Variants in LCA5L observed in about 807,000 individuals in gnomAD.
LCA5L encodes the protein lebercilin LCA5 like, also known as lebercilin-like protein.
A neutral mutation model predicts 45.4 loss-of-function variants in LCA5L; 35 were observed. The observed-to-expected ratio is 0.77, with a 90% CI of 0.59 to 1.02. The LOEUF (loss-of-function observed/expected upper bound fraction) is 1.02. Ranked by LOEUF, LCA5L falls within the 50% of genes least tolerant of loss-of-function variation. LCA5L has a pLI of 0.00. For missense variants in LCA5L, 668 were observed against 761.6 expected (o/e 0.88, Z 1.45); for synonymous variants, 233 against 264.7 (o/e 0.88, Z 1.16).
At chr21:39,435,168 GA>G (rs2076173312) in intron 3 of LCA5L, among the ~76,000 whole-genome samples, 1 of 152,144 alleles carries the variant, frequency 6.6e-6, no homozygotes, top group African/African-American at 2.4e-5. Context: ...TATTCTAATG[GA>G]AAAAATCTGA....
chr21:39,428,691 C>T (rs2075298731), intron 4 of LCA5L, among the ~76,000 whole-genome samples, 188 bp from the exon 5 acceptor site: 1 of 140,864 alleles, frequency 7.1e-6, no homozygotes, highest in South Asian at 2.3e-4. Context: ...TGGCTTTCTG[C>T]AGCCTTGACC....
At chr21:39,407,229 C>T (rs555044949) in intron 10 of LCA5L, among the ~76,000 whole-genome samples, 253 of 152,068 alleles carry the variant, frequency 1.7e-3, no homozygotes, top group African/African-American at 5.9e-3. Context: ...TGTTTCAAAA[C>T]AAAACAAAAC....
Position 39,423,394 on chromosome 21 carries a change from G to A in LCA5L, c.419C>T (p.Ala140Val), listed in dbSNP as rs150338806. The A allele has an allele frequency of 8.6e-5, 139 of 1,610,074 alleles. No homozygotes were observed. The African/African-American group carries it at 1.7e-3, about 20-fold the overall frequency. Residue 140 changes from alanine (A) to valine (V), a missense_variant, in exon 6 of 11, where the codon GCT becomes GTT. Physicochemically the swap from Ala to Val is moderately conservative, Grantham distance 64 (BLOSUM62 0). Transcript: ENST00000288350. Reference protein sequence around the residue: ...HMIAQRRDAMAHRILSARLHK... With the variant: ...HMIAQRRDAMVHRILSARLHK... ...AAGCCTTGCTGAGAGTATTCGATGA[G>A]CCATAGCATCTCTTCTTTGGGCAAT...
At chr21:39,431,225 T>C (rs1008496190) in intron 3 of LCA5L, among the ~76,000 whole-genome samples, 18 of 152,206 alleles carry the variant, frequency 1.2e-4, no homozygotes, top group Admixed American at 3.3e-4. Flanking sequence ...CCTCTGTGGA[T>C]GCTGAGTTGT....
intron 2 of LCA5L, among the ~76,000 whole-genome samples, chr21:39,438,526 T>A (rs1282043467): frequency 1.3e-5 from 2 of 152,168 alleles, no homozygotes; most frequent in Non-Finnish European, 2.9e-5. Context: ...AAAAAAGATT[T>A]TCAATACATA....
intron 7 of LCA5L, among the ~76,000 whole-genome samples, chr21:39,414,736 C>CTGTGTGTG (rs1445537335): frequency 6.8e-4 from 63 of 92,264 alleles, no homozygotes; most frequent in Non-Finnish European, 8.4e-4. Flanking sequence ...CTCTCTCTCT[C>CTGTGTGTG]TCTCTCTGTG....
At chr21:39,436,351 A>G (rs577535730) in intron 2 of LCA5L, among the ~76,000 whole-genome samples, 43 of 152,336 alleles carry the variant, frequency 2.8e-4, no homozygotes, top group African/African-American at 1.0e-3. Flanking sequence ...CCTAATTCTT[A>G]AAAGTAAATA....
At position 39,409,251 on chromosome 21, in the gene LCA5L, C is replaced by G. The variant is rs1165427776; in HGVS notation, c.1282+728G>C. On this transcript the variant is annotated intron_variant, in intron 10 of 10. Transcript: ENST00000288350. The surrounding 1 kb of genome is among the most constrained non-coding windows in gnomAD (Gnocchi z 4.2). The stretch of plus-strand genomic sequence containing the variant: ...GGACATCTAAAGCCAGGAAGAGGGC[C>G]TTAACTGAAGCCAAATGCCTAGAAC... 6.6e-6 allele frequency among the ~76,000 whole-genome samples: 1 copy of G among 152,154 alleles called. No individual in the cohort carries two copies. Among genetic ancestry groups the G allele is most frequent in the Admixed American group, 6.5e-5 (1 of 15,272 alleles).
At chr21:39,441,312 A>C (rs956978855) in intron 2 of LCA5L, among the ~76,000 whole-genome samples, 2 of 143,666 alleles carry the variant, frequency 1.4e-5, no homozygotes, top group East Asian at 3.9e-4. Context: ...TTTCAAAACC[A>C]AAAAAAACCA....
At chr21:39,415,801 TG>T in intron 7 of LCA5L, among the ~76,000 whole-genome samples, 1 of 152,352 alleles carries the variant, frequency 6.6e-6, no homozygotes, top group Middle Eastern at 3.4e-3. Context: ...ATCGTAGAAA[TG>T]GGGGTATCTG....
At chr21:39,438,037 A>T (rs956845364) in intron 2 of LCA5L, among the ~76,000 whole-genome samples, 4 of 152,222 alleles carry the variant, frequency 2.6e-5, no homozygotes, top group African/African-American at 9.6e-5. Flanking sequence ...AAATTCACAT[A>T]GAGAAATAAA....
chr21:39,417,871 T>C (rs910322585), intron 7 of LCA5L, among the ~76,000 whole-genome samples: 7 of 152,214 alleles, frequency 4.6e-5, no homozygotes, highest in Non-Finnish European at 7.3e-5. Context: ...GTTCACACCA[T>C]TCTCCTGCCT....
intron 2 of LCA5L, among the ~76,000 whole-genome samples, chr21:39,440,477 A>T (rs908059372): frequency 2.0e-5 from 3 of 152,126 alleles, no homozygotes; most frequent in African/African-American, 7.2e-5. Flanking sequence ...CTGAGGCTGC[A>T]GTGAATTTGA....
chr21:39,416,408 C>T (rs1188433404), intron 7 of LCA5L, among the ~76,000 whole-genome samples: 2 of 152,156 alleles, frequency 1.3e-5, no homozygotes, highest in Non-Finnish European at 2.9e-5. Context: ...TTGATACTAC[C>T]CTAATGGTCC....
At chr21:39,430,474 A>G (rs1177145818) in intron 3 of LCA5L, among the ~76,000 whole-genome samples, 2 of 152,196 alleles carry the variant, frequency 1.3e-5, no homozygotes, top group African/African-American at 4.8e-5. Flanking sequence ...GTGATGGACA[A>G]TTTGAAGGCA....
At chr21:39,418,046 G>A (rs942564969) in intron 7 of LCA5L, among the ~76,000 whole-genome samples, 7 of 152,316 alleles carry the variant, frequency 4.6e-5, no homozygotes, top group African/African-American at 7.2e-5. Flanking sequence ...GATTACAGGC[G>A]TGAGCCACCG....
chr21:39,436,788 TA>T, intron 2 of LCA5L, among the ~76,000 whole-genome samples: 1 of 152,302 alleles, frequency 6.6e-6, no homozygotes, highest in Non-Finnish European at 1.5e-5. Flanking sequence ...ACCCGGCCAG[TA>T]ATTATATTCT....
In LCA5L at chr21:39,406,364, C is replaced by T. The variant is rs2039069511; in HGVS notation, c.1531G>A (p.Ala511Thr). 3 of 1,613,474 alleles carry T rather than the reference C, an allele frequency of 1.9e-6. No individual in the cohort carries two copies. Among genetic ancestry groups the T allele is most frequent in the African/African-American group, 1.3e-5 (1 of 74,730 alleles). ...CTGAGGGGGCCTTTCGTGTAGGGAGCAGTGCCTTTGCCAAGTGTGTCATCC... is the reference window on the plus strand; with the variant it reads ...CTGAGGGGGCCTTTCGTGTAGGGAGTAGTGCCTTTGCCAAGTGTGTCATCC... ...GVDDTLGKGT[A>T]PYTKGPLRQR... Residue 511 changes from alanine (A) to threonine (T), a missense_variant, in exon 11 of 11, where the codon GCT becomes ACT. By Grantham distance (58) the Ala-to-Thr change is moderately conservative. Coordinates refer to ENST00000288350, the MANE Select transcript of LCA5L (RefSeq NM_152505.4).
intron 3 of LCA5L, among the ~76,000 whole-genome samples, chr21:39,430,908 A>G (rs1160500001): frequency 6.6e-6 from 1 of 152,164 alleles, no homozygotes; most frequent in Non-Finnish European, 1.5e-5. Flanking sequence ...TTTTCTTTAA[A>G]AAATGCAAGC....
Sources: allele counts gnomAD v4.1 joint callset (sites outside exome capture counted in the v4.1 genomes callset), GRCh38; gene constraint gnomAD v4.1.1; non-coding constraint Gnocchi (gnomAD v3.1); transcripts MANE v1.5; gene names NCBI Gene and HGNC (gene_info 2026-07-23, HGNC 2026-07-21).